CAPN2: variants seen among roughly 807,000 people sequenced by gnomAD.
The protein encoded by CAPN2 is calpain-2 catalytic subunit.
CAPN2 carries 92 observed loss-of-function variants against 102.3 expected under a neutral mutation model. The ratio of observed to expected loss-of-function variants is 0.90; its 90% CI spans 0.76 to 1.07. The LOEUF (loss-of-function observed/expected upper bound fraction) is 1.07, where lower values mean the gene tolerates loss of function less well. CAPN2 is among the 50% of genes least tolerant of loss of function. The pLI, the probability that CAPN2 is intolerant of heterozygous loss-of-function variation, is 0.00. For synonymous variants in CAPN2, 340 were observed against 355.4 expected, an observed-to-expected ratio of 0.96 and a Z score of 0.49; for missense variants, 800 against 909.4, an observed-to-expected ratio of 0.88 and a Z score of 1.55.
rs1659760423 is a variant in CAPN2 at position 223,712,625 on chromosome 1, C to A, written c.-16C>A. ...CCCGACCTTTCTCTGCGCAGTACGG[C>A]CGCCGGGACCGCAGCATGGCGGGCA... On this transcript the variant is annotated 5_prime_UTR_variant, in exon 1 of 21. Coordinates refer to ENST00000295006, the MANE Select transcript of CAPN2 (RefSeq NM_001748.5). The A allele has an allele frequency of 6.6e-7, 1 of 1,511,018 alleles. No homozygotes were observed. Among genetic ancestry groups the A allele is most frequent in the Non-Finnish European group, 8.9e-7 (1 of 1,128,894 alleles). 93.6% of individuals were successfully genotyped at this position (1,511,018 alleles called of 1,614,324 possible).
chr1:223,757,533 C>A, intron 11 of CAPN2, 153 bp downstream of exon 11: 1 of 797,934 alleles, frequency 1.3e-6, no homozygotes. Context: ...TGAAGTTGCC[C>A]AGGCTCTAGA....
intron 2 of CAPN2, among the ~76,000 whole-genome samples, chr1:223,720,501 T>C (rs1383674172): frequency 6.6e-6 from 1 of 151,850 alleles, no homozygotes; most frequent in African/African-American, 2.4e-5. Flanking sequence ...TTTTTTTGTA[T>C]AGACCGGGTC....
At chr1:223,719,388 A>C (rs188123190) in intron 2 of CAPN2, among the ~76,000 whole-genome samples, 13 of 152,224 alleles carry the variant, frequency 8.5e-5, no homozygotes, top group African/African-American at 3.1e-4. Flanking sequence ...AATACAAAAA[A>C]ATTAGCTGGA....
chr1:223,766,325 C>A lies in CAPN2; in HGVS notation c.1691-42C>A, dbSNP rs28370150. On this transcript the variant is annotated intron_variant, in intron 15 of 20. Transcript: ENST00000295006. ...TTGTGGAAAGTTCAGTTGGACATCA[C>A]CGCTCAGAGATTTTTCCTGTCACAC... 827 of 1,475,150 alleles carry A rather than the reference C, an allele frequency of 5.6e-4. 5 individuals carry two copies. In the African/African-American group the frequency reaches 9.9e-3, roughly 18 times the overall value. 91.4% of individuals were successfully genotyped at this position (1,475,150 alleles called of 1,614,324 possible). A position where few individuals can be genotyped will look rare whatever the true frequency, so the allele number is the denominator to read the frequency against.
chr1:223,714,676 A>G (rs957570286), intron 1 of CAPN2, among the ~76,000 whole-genome samples: 1 of 151,792 alleles, frequency 6.6e-6, no homozygotes, highest in African/African-American at 2.4e-5. Context: ...TTCACTTTAC[A>G]TTTGCATGGC....
intron 1 of CAPN2, 126 bp from the exon 2 acceptor site, chr1:223,717,636 C>T (rs1659912036): frequency 1.4e-6 from 1 of 732,118 alleles, no homozygotes; most frequent in Admixed American, 2.1e-5. Flanking sequence ...ACTGTGATGA[C>T]ACACTTTCCC....
rs1222143 is a variant in CAPN2, at chr1:223,737,714, T to C, written c.308-6386T>C. On this transcript the variant is annotated intron_variant, in intron 2 of 20. Transcript: ENST00000295006. ...TGACCAAAAGAGACGGGGCGGGGGG[T>C]GGGGGGGAGAGAATACAATAACACC... is the stretch of plus-strand genomic sequence containing the variant. Among the ~76,000 whole-genome samples, 136 of 16,956 alleles carry C rather than the reference T, an allele frequency of 8.0e-3. 20 individuals are homozygous for C. The highest frequency in any genetic ancestry group is 0.02 in the East Asian group (7 of 346). 11.1% of individuals were successfully genotyped at this position (16,956 alleles called of 152,430 possible). A position where few individuals can be genotyped will look rare whatever the true frequency, so the allele number is the denominator to read the frequency against.
intron 2 of CAPN2, among the ~76,000 whole-genome samples, chr1:223,743,354 T>TA (rs1342405196): frequency 6.6e-6 from 1 of 152,164 alleles, no homozygotes; most frequent in Admixed American, 6.5e-5. Flanking sequence ...GCTCCGTACT[T>TA]ACTTCCTGCG....
chr1:223,747,089 A>G lies in CAPN2; in HGVS notation c.653A>G (p.Lys218Arg). The change falls in exon 5 of 21, where the codon AAG becomes AGG. Residue 218 changes from lysine (K) to arginine (R), a missense_variant. By Grantham distance (26) the Lys-to-Arg change is conservative (BLOSUM62 2). Transcript: ENST00000295006. ...GGCATTGCTGAGTGGTATGAGTTGA[A>G]GAAGCCCCCTCCCAACCTGTTCAAG... ...TGGIAEWYEL[K>R]KPPPNLFKII... 1 of 1,614,072 alleles carries G rather than the reference A, an allele frequency of 6.2e-7. No individual in the cohort carries two copies. The highest frequency in any genetic ancestry group is 8.5e-7 in the Non-Finnish European group (1 of 1,179,970).
At chr1:223,771,649 C>A in intron 18 of CAPN2, 160 bp from the exon 19 acceptor site, 1 of 649,904 alleles carries the variant, frequency 1.5e-6, no homozygotes, top group Non-Finnish European at 2.8e-6. Context: ...GCAGAAGGTA[C>A]TGGCTTTGCA....
intron 14 of CAPN2, 65 bp from the exon 15 acceptor site, chr1:223,764,085 C>T (rs1661252364): frequency 7.7e-7 from 1 of 1,296,906 alleles, no homozygotes; most frequent in East Asian, 2.3e-5. Flanking sequence ...GCACTGGTGT[C>T]CTGCCCTGTG....
upstream of CAPN2, among the ~76,000 whole-genome samples, chr1:223,709,217 T>C (rs1377293142): frequency 6.6e-6 from 1 of 152,102 alleles, no homozygotes; most frequent in Non-Finnish European, 1.5e-5. Context: ...GAGAGAAGTC[T>C]GACCAAAGTT....
intron 11 of CAPN2, chr1:223,757,707 GA>G (rs1661071974): frequency 2.4e-6 from 1 of 418,164 alleles, no homozygotes; most frequent in South Asian, 4.5e-5. Context: ...ACTCTTAGGA[GA>G]AGACTGAGTC....
intron 1 of CAPN2, among the ~76,000 whole-genome samples, chr1:223,704,099 C>T (rs941911191): frequency 1.3e-5 from 2 of 151,922 alleles, no homozygotes; most frequent in Non-Finnish European, 2.9e-5. Context: ...GAGACCAGCC[C>T]GGCCAACATG....
intron 12 of CAPN2, among the ~76,000 whole-genome samples, chr1:223,760,751 C>A (rs930065515): frequency 1.2e-4 from 18 of 152,182 alleles, no homozygotes; most frequent in African/African-American, 3.9e-4. Flanking sequence ...GGGTGAGCTC[C>A]CTACCCCAAG....
rs1439914034 is a variant in CAPN2 at position 223,766,429 on chromosome 1, G to C, written c.1753G>C (p.Asp585His). 5 of 1,609,738 alleles carry C rather than the reference G, an allele frequency of 3.1e-6. No individual in the cohort carries two copies. In the African/African-American group the frequency reaches 6.7e-5, roughly 22 times the overall value. The change falls in exon 16 of 21, where the codon GAT (aspartate) becomes CAT (histidine). Residue 585 changes from aspartate (D) to histidine (H), a missense_variant and splice_region_variant. Asp to His is a moderately conservative substitution (Grantham distance 81). Transcript: ENST00000295006. Reference sequence around the variant, plus strand: ...ATGCAAAATTATGGTTGACATGCTAGATGTATCCTTTAATGTGCTCCAGGG... The same window carrying C: ...ATGCAAAATTATGGTTGACATGCTACATGTATCCTTTAATGTGCTCCAGGG... ...ETCKIMVDML[D>H]SDGSGKLGLK...
chr1:223,751,639 A>G (rs982369917), intron 7 of CAPN2, among the ~76,000 whole-genome samples: 6 of 140,828 alleles, frequency 4.3e-5, no homozygotes, highest in Admixed American at 2.2e-4. Context: ...GCTCCTCATC[A>G]GATCTTCAGT....
Position 223,771,994 on chromosome 1 carries a change from G to C in CAPN2, c.2020+69G>C. On this transcript the variant is annotated intron_variant, in intron 19 of 20. Coordinates refer to ENST00000295006, the MANE Select transcript of CAPN2 (RefSeq NM_001748.5). ...ATTAAAGTGGCCTGCCTTTCACCTC[G>C]GTGAAATCATCTAAACTAGAGACAT... The C allele has an allele frequency of 4.1e-6, 5 of 1,209,836 alleles. No individual in the cohort carries two copies. The Admixed American group carries it at 8.5e-5, about 20-fold the overall frequency. The allele number at this position is 1,209,836 out of a possible 1,614,324, so 74.9% of individuals were successfully genotyped here.
upstream of CAPN2, among the ~76,000 whole-genome samples, chr1:223,710,632 T>C (rs1276160946): frequency 6.6e-6 from 1 of 152,210 alleles, no homozygotes; most frequent in African/African-American, 2.4e-5. Context: ...TTTTACTGCC[T>C]GTTCACTCTG....
Sources: allele counts gnomAD v4.1 joint callset (sites outside exome capture counted in the v4.1 genomes callset), GRCh38; gene constraint gnomAD v4.1.1; transcripts MANE v1.5; gene names NCBI Gene and HGNC (gene_info 2026-07-23, HGNC 2026-07-21).